Variants in FAM185A observed in about 807,000 individuals in gnomAD.
The protein encoded by FAM185A is protein FAM185A.
A neutral mutation model predicts 45.7 loss-of-function variants in FAM185A; 21 were observed. That is an observed-to-expected ratio of 0.46 (90% CI 0.33 to 0.66). The LOEUF (loss-of-function observed/expected upper bound fraction) is 0.66. FAM185A is among the 30% of genes least tolerant of loss of function. The pLI is 0.03. For missense variants in FAM185A, 305 were observed against 485.4 expected (o/e 0.63, Z 3.49); for synonymous variants, 117 against 194.0 (o/e 0.60, Z 3.30).
the FAM185A span, chr7:102,832,773 G>A: frequency 7.6e-6 from 12 of 1,580,856 alleles, no homozygotes; most frequent in East Asian, 6.8e-5. Context: ...AGCCCTGATC[G>A]CTGTCCTGCC....
At chr7:102,846,400 C>T in the FAM185A span, among the ~76,000 whole-genome samples, 2 of 152,084 alleles carry the variant, frequency 1.3e-5, no homozygotes, top group Admixed American at 1.3e-4. Flanking sequence ...GGCAGATCAC[C>T]TGAGGTCAGG....
intron 7 of FAM185A, among the ~76,000 whole-genome samples, chr7:102,790,439 G>A (rs930325125): frequency 2.0e-5 from 3 of 152,188 alleles, no homozygotes; most frequent in Admixed American, 6.5e-5. Flanking sequence ...ATCAACTTGT[G>A]ATCTAATGCT....
the FAM185A span, among the ~76,000 whole-genome samples, chr7:102,847,565 C>T: frequency 1.3e-5 from 2 of 151,820 alleles, no homozygotes; most frequent in Non-Finnish European, 2.9e-5. Context: ...CTCTTTCTGT[C>T]GCCCAGGCTG....
downstream of FAM185A, chr7:102,813,171 CAGAAGA>C: frequency 1.5e-6 from 1 of 661,392 alleles, no homozygotes; most frequent in East Asian, 2.9e-5. Context: ...ATTATTTAGA[CAGAAGA>C]ACTACTGATG....
chr7:102,765,365 A>G (rs1310501038), intron 4 of FAM185A, among the ~76,000 whole-genome samples: 5 of 152,190 alleles, frequency 3.3e-5, no homozygotes, highest in African/African-American at 1.2e-4. Context: ...CCATGGTAGC[A>G]TTCAGGAACT....
chr7:102,824,554 C>T, the FAM185A span, among the ~76,000 whole-genome samples: 10 of 151,968 alleles, frequency 6.6e-5, no homozygotes, highest in African/African-American at 2.4e-4. Flanking sequence ...GGCACAATCT[C>T]GGCTCACTGC....
intron 7 of FAM185A, among the ~76,000 whole-genome samples, chr7:102,804,389 G>A (rs1796982861): frequency 6.6e-6 from 1 of 152,192 alleles, no homozygotes; most frequent in Non-Finnish European, 1.5e-5. Flanking sequence ...AACACTTACA[G>A]CCAACTGATC....
the FAM185A span, among the ~76,000 whole-genome samples, chr7:102,848,505 G>A: frequency 2.3e-4 from 9 of 39,384 alleles, 2 homozygotes; most frequent in Non-Finnish European, 1.5e-4. Context: ...GCAGTGAGCC[G>A]AGATTGCGCC....
At chr7:102,784,927 G>T (rs1047122960) in intron 6 of FAM185A, among the ~76,000 whole-genome samples, 7 of 152,176 alleles carry the variant, frequency 4.6e-5, no homozygotes, top group African/African-American at 1.7e-4. Context: ...TGTATATCTA[G>T]AAAACCCCAT....
At chr7:102,822,284 T>C in the FAM185A span, 1 of 1,255,906 alleles carries the variant, frequency 8.0e-7, no homozygotes, top group Non-Finnish European at 1.2e-6. Context: ...TTTGGGCAAC[T>C]ATAATAAACT....
chr7:102,832,063 T>C, the FAM185A span, among the ~76,000 whole-genome samples: 1 of 152,170 alleles, frequency 6.6e-6, no homozygotes, highest in African/African-American at 2.4e-5. Flanking sequence ...TTTTTGTGCA[T>C]AGAAAAAAAT....
chr7:102,823,763 G>A, the FAM185A span, among the ~76,000 whole-genome samples: 1,647 of 152,248 alleles, frequency 0.011, 34 homozygotes, highest in African/African-American at 0.038. Context: ...AAAGTTAAAA[G>A]AAAAATCACT....
At chr7:102,800,197 G>C (rs1796703158) in intron 7 of FAM185A, among the ~76,000 whole-genome samples, 2 of 152,150 alleles carry the variant, frequency 1.3e-5, no homozygotes, top group Non-Finnish European at 2.9e-5. Flanking sequence ...CATAGAAAAA[G>C]GGGGATGGTA....
downstream of FAM185A, among the ~76,000 whole-genome samples, chr7:102,809,917 G>A (rs371613933): frequency 2.0e-5 from 3 of 151,998 alleles, no homozygotes; most frequent in African/African-American, 7.3e-5. Flanking sequence ...CCTCATGATA[G>A]TGAGTTCTTG....
chr7:102,804,297 C>T (rs973845622), intron 7 of FAM185A, among the ~76,000 whole-genome samples: 4 of 151,792 alleles, frequency 2.6e-5, no homozygotes, highest in African/African-American at 7.3e-5. Context: ...TTAAGGCCAT[C>T]GTCACCAAAA....
intron 7 of FAM185A, among the ~76,000 whole-genome samples, chr7:102,797,324 G>C (rs1283395451): frequency 1.3e-5 from 2 of 151,574 alleles, no homozygotes; most frequent in Non-Finnish European, 3.0e-5. Flanking sequence ...TTAGCTGGGT[G>C]TGGTGGCACG....
At chr7:102,786,311 C>T (rs1795792499) in intron 6 of FAM185A, among the ~76,000 whole-genome samples, 1 of 152,200 alleles carries the variant, frequency 6.6e-6, no homozygotes, top group Admixed American at 6.5e-5. Flanking sequence ...TACCATTTGA[C>T]CCAGCAATCC....
chr7:102,800,549 A>G lies in FAM185A; in HGVS notation c.1067-7741A>G, dbSNP rs183729326. 2.4e-3 allele frequency among the ~76,000 whole-genome samples: 358 copies of G among 152,336 alleles called. 2 individuals carry two copies. Among genetic ancestry groups the G allele is most frequent in the African/African-American group, 7.9e-3 (330 of 41,586 alleles). On this transcript the variant is annotated intron_variant, in intron 7 of 7. Transcript: ENST00000413034. ...CAATGAAATAGATAGCATAAATAAA[A>G]ACAATAAAAACTTCAGGAAACAGAC...
intron 4 of FAM185A, among the ~76,000 whole-genome samples, chr7:102,770,575 C>T (rs1330756368): frequency 6.6e-6 from 1 of 151,804 alleles, no homozygotes; most frequent in Non-Finnish European, 1.5e-5. Flanking sequence ...CAAGAGAAGA[C>T]GTACAAGAAA....
Sources: allele counts gnomAD v4.1 joint callset (sites outside exome capture counted in the v4.1 genomes callset), GRCh38; gene constraint gnomAD v4.1.1; transcripts MANE v1.5; gene names NCBI Gene and HGNC (gene_info 2026-07-23, HGNC 2026-07-21).